Variants in INCENP observed in about 807,000 individuals in gnomAD.
INCENP encodes the protein inner centromere protein, also known as binds and activates aurora-B and -C in vivo and in vitro.
A neutral mutation model predicts 107.3 loss-of-function variants in INCENP; 43 were observed. That is an observed-to-expected ratio of 0.40 (90% CI 0.31 to 0.52). The LOEUF (loss-of-function observed/expected upper bound fraction) is 0.52, where lower values mean the gene tolerates loss of function less well. INCENP is among the 20% of genes least tolerant of loss of function. INCENP has a pLI of 0.53. For missense variants in INCENP, 1,089 were observed against 1,250.9 expected (o/e 0.87, Z 1.95); for synonymous variants, 488 against 494.4 (o/e 0.99, Z 0.17).
chr11:62,144,671 A>G, intron 11 of INCENP: 1 of 648,558 alleles, frequency 1.5e-6, no homozygotes, highest in South Asian at 1.4e-5. Context: ...CAGTTTATGT[A>G]GTTGTCATTA....
At chr11:62,133,410 C>T (rs1400852583) in intron 4 of INCENP, among the ~76,000 whole-genome samples, 1 of 152,050 alleles carries the variant, frequency 6.6e-6, no homozygotes, top group African/African-American at 2.4e-5. Context: ...GCAGGAATCC[C>T]CTGCCTCCTG....
At chr11:62,141,166 C>G (rs539021384) in intron 10 of INCENP, 122 bp downstream of exon 10, 21 of 1,346,510 alleles carry the variant, frequency 1.6e-5, no homozygotes, top group Non-Finnish European at 3.0e-6. Flanking sequence ...TGGCCTGGCA[C>G]TGTTAGGGGC....
At chr11:62,128,990 G>A (rs1265215148) in intron 3 of INCENP, 107 bp downstream of exon 3, 1 of 775,764 alleles carries the variant, frequency 1.3e-6, no homozygotes, top group Non-Finnish European at 2.2e-6. Context: ...GCAGCCTGTA[G>A]GAGGGGTGGT....
rs765522059 is a variant in INCENP at position 62,144,989 on chromosome 11, A to G, written c.1613A>G (p.Glu538Gly). 3.8e-6 allele frequency: 6 copies of G among 1,598,140 alleles called. No homozygotes were observed. The highest frequency in any genetic ancestry group is 1.1e-5 in the South Asian group (1 of 89,336). ...CGCTCCCCGCCACCCCAGGAGAAGGAGCGGCAGCGCCTGGAGAATCTGCGG... is the reference window on the plus strand; with the variant it reads ...CGCTCCCCGCCACCCCAGGAGAAGGGGCGGCAGCGCCTGGAGAATCTGCGG... ...MDPKCSFVEK[E>G]RQRLENLRRK... Residue 538 changes from glutamate (E) to glycine (G), a missense_variant, in exon 12 of 19, where the codon GAG (glutamate) becomes GGG (glycine). Physicochemically the swap from Glu to Gly is moderately conservative, Grantham distance 98. Coordinates refer to ENST00000394818, the MANE Select transcript of INCENP (RefSeq NM_001040694.2).
chr11:62,139,565 A>G (rs745314984), intron 7 of INCENP, among the ~76,000 whole-genome samples: 1 of 152,196 alleles, frequency 6.6e-6, no homozygotes, highest in Non-Finnish European at 1.5e-5. Context: ...GTCAGGGACA[A>G]TGGTCATGCC....
At chr11:62,149,114 ATCCTTC>A (rs1469540684) in intron 17 of INCENP, among the ~76,000 whole-genome samples, 1 of 152,194 alleles carries the variant, frequency 6.6e-6, no homozygotes, top group Non-Finnish European at 1.5e-5. Context: ...CGCGTTGTAT[ATCCTTC>A]TAGATTTTTA....
chr11:62,131,288 G>A (rs1266607134), intron 4 of INCENP, among the ~76,000 whole-genome samples: 1 of 152,230 alleles, frequency 6.6e-6, no homozygotes, highest in Non-Finnish European at 1.5e-5. Context: ...GTCAACTGGG[G>A]CTAATCGCGT....
At position 62,145,746 on chromosome 11, in the gene INCENP, C is replaced by T; in HGVS notation, c.1954C>T (p.Gln652Ter). The change falls in exon 14 of 19, where the codon CAG becomes TAG. Residue 652 changes from glutamine to a stop codon, truncating the protein, a stop_gained. Transcript: ENST00000394818. LOFTEE classifies it high-confidence loss of function. ...EEEARRLRWL[Q>*]QEEEERRHQE... ...GGAGGCACGTAGGCTCAGGTGGCTG[C>T]AGCAGGTGCGAGCACAGGTGGGCCT... The T allele has an allele frequency of 1.3e-6, 2 of 1,552,466 alleles. No homozygotes were observed. The highest frequency in any genetic ancestry group is 1.7e-6 in the Non-Finnish European group (2 of 1,148,046).
intron 3 of INCENP, 136 bp from the exon 4 acceptor site, chr11:62,129,646 G>A: frequency 1.4e-6 from 1 of 700,970 alleles, no homozygotes; most frequent in Non-Finnish European, 2.3e-6. Context: ...AGAGGTGGCA[G>A]AATCTGGCCT....
At chr11:62,136,471 C>T (rs1241524777) in intron 4 of INCENP, among the ~76,000 whole-genome samples, 1 of 151,920 alleles carries the variant, frequency 6.6e-6, no homozygotes, top group Non-Finnish European at 1.5e-5. Context: ...CACTTGAGGA[C>T]GAGTTCAAGA....
intron 1 of INCENP, among the ~76,000 whole-genome samples, chr11:62,126,401 T>G (rs1449223123): frequency 6.6e-6 from 1 of 152,198 alleles, no homozygotes; most frequent in Non-Finnish European, 1.5e-5. Flanking sequence ...TTTCACCACG[T>G]TGGCCAGGCT....
intron 4 of INCENP, among the ~76,000 whole-genome samples, chr11:62,137,611 G>T (rs998692289): frequency 3.6e-4 from 55 of 152,316 alleles, no homozygotes; most frequent in African/African-American, 1.3e-3. Context: ...AGATGGGCAT[G>T]GGAAGACCAT....
chr11:62,133,315 G>A (rs1943927923), intron 4 of INCENP, among the ~76,000 whole-genome samples: 2 of 152,082 alleles, frequency 1.3e-5, no homozygotes, highest in African/African-American at 4.8e-5. Flanking sequence ...AAATGAGATA[G>A]GAAAAAAAGC....
At chr11:62,150,643 G>C (rs555565486) in intron 18 of INCENP, among the ~76,000 whole-genome samples, 1 of 152,180 alleles carries the variant, frequency 6.6e-6, no homozygotes, top group Non-Finnish European at 1.5e-5. Flanking sequence ...CAGCCAGCTC[G>C]GGGAGGCAGG....
chr11:62,129,779 C>G lies in INCENP; in HGVS notation c.255-3C>G. 1 of 1,600,784 alleles carries G rather than the reference C, an allele frequency of 6.2e-7. No homozygotes were observed. Among genetic ancestry groups the G allele is most frequent in the Non-Finnish European group, 8.5e-7 (1 of 1,176,234 alleles). On this transcript the variant is annotated splice_region_variant and splice_polypyrimidine_tract_variant and intron_variant, in intron 3 of 18. Coordinates refer to ENST00000394818, the MANE Select transcript of INCENP (RefSeq NM_001040694.2). Reference sequence around the variant, plus strand: ...TCAGCCTCTGCCCTGCTGCCCCTGCCAGGTTATCCCGCAGAAAGTCTCGGA... The same window carrying G: ...TCAGCCTCTGCCCTGCTGCCCCTGCGAGGTTATCCCGCAGAAAGTCTCGGA...
chr11:62,138,275 C>A (rs1944034958), intron 5 of INCENP, among the ~76,000 whole-genome samples: 1 of 152,232 alleles, frequency 6.6e-6, no homozygotes, highest in African/African-American at 2.4e-5. Flanking sequence ...CCTGCCATCA[C>A]TAAAACCAGC....
chr11:62,125,619 G>A (rs1943731376), intron 1 of INCENP, among the ~76,000 whole-genome samples: 1 of 152,236 alleles, frequency 6.6e-6, no homozygotes, highest in Non-Finnish European at 1.5e-5. Context: ...TGGGAACAGG[G>A]GTTTTGAACA....
chr11:62,128,191 C>T lies in INCENP; in HGVS notation c.30C>T (p.His10=), dbSNP rs747479485. 2.0e-5 allele frequency: 32 copies of T among 1,614,080 alleles called. No individual in the cohort carries two copies. The highest frequency in any genetic ancestry group is 1.6e-4 in the Middle Eastern group (1 of 6,084). MGTTAPGPI[H]LLELCDQKLM... ...GGACGACGGCCCCAGGGCCCATTCA[C>T]CTGCTGGAGCTATGTGACCAGAAGC... The change falls in exon 2 of 19, where the codon CAC becomes CAT. Residue 10 remains histidine (H), a synonymous_variant. Coordinates refer to ENST00000394818, the MANE Select transcript of INCENP (RefSeq NM_001040694.2).
At chr11:62,127,046 T>TTG (rs1943767172) in intron 1 of INCENP, among the ~76,000 whole-genome samples, 1 of 151,228 alleles carries the variant, frequency 6.6e-6, no homozygotes, top group African/African-American at 2.4e-5. Context: ...TTGTTTTGTT[T>TTG]TTTTTTTTTT....
Sources: allele counts gnomAD v4.1 joint callset (sites outside exome capture counted in the v4.1 genomes callset), GRCh38; gene constraint gnomAD v4.1.1; transcripts MANE v1.5; gene names NCBI Gene and HGNC (gene_info 2026-07-23, HGNC 2026-07-21).